CAST: variants seen among roughly 807,000 people sequenced by gnomAD.
CAST encodes calpastatin.
A neutral mutation model predicts 119.6 loss-of-function variants in CAST; 76 were observed. The observed-to-expected ratio is 0.64, with a 90% CI of 0.53 to 0.77. The LOEUF (loss-of-function observed/expected upper bound fraction) is 0.77, where lower values mean the gene tolerates loss of function less well. Among genes scored for constraint, CAST ranks in the 30% least tolerant of loss-of-function variants. The pLI is 0.00. For missense variants in CAST, 953 were observed against 946.5 expected, an observed-to-expected ratio of 1.01 and a Z score of -0.09; for synonymous variants, 319 against 331.6, an observed-to-expected ratio of 0.96 and a Z score of 0.41.
intron 1 of CAST, among the ~76,000 whole-genome samples, chr5:96,619,341 C>T (rs532751292): frequency 1.5e-4 from 23 of 152,202 alleles, no homozygotes; most frequent in South Asian, 6.3e-4. Context: ...GGATTGTAAA[C>T]ACACCAATCA....
the CAST span, among the ~76,000 whole-genome samples, chr5:96,061,285 T>C: frequency 1.3e-5 from 2 of 152,084 alleles, no homozygotes; most frequent in African/African-American, 4.8e-5. Flanking sequence ...GATAGTGGGA[T>C]ACCAAATGAC....
chr5:96,387,175 C>G, the CAST span, among the ~76,000 whole-genome samples: 9 of 152,142 alleles, frequency 5.9e-5, no homozygotes, highest in Non-Finnish European at 4.4e-5. Context: ...GTGGCTGACT[C>G]AAGAGTGCAC....
chr5:96,286,424 G>GA, the CAST span, among the ~76,000 whole-genome samples: 1 of 152,134 alleles, frequency 6.6e-6, no homozygotes, highest in Non-Finnish European at 1.5e-5. Flanking sequence ...TCCTTCACTT[G>GA]CTCCCTGGAC....
the CAST span, among the ~76,000 whole-genome samples, chr5:96,382,875 T>C: frequency 6.6e-6 from 1 of 152,192 alleles, no homozygotes; most frequent in Non-Finnish European, 1.5e-5. Flanking sequence ...TGCCAATTCA[T>C]GCTGCTTGAG....
chr5:96,742,573 A>G, intron 15 of CAST, 82 bp from the exon 16 acceptor site: 1 of 896,708 alleles, frequency 1.1e-6, no homozygotes, highest in Non-Finnish European at 1.8e-6. Context: ...ATAATCTAAA[A>G]TGTATTTTAC....
chr5:95,962,280 C>T, the CAST span, among the ~76,000 whole-genome samples: 8 of 152,230 alleles, frequency 5.3e-5, no homozygotes, highest in Middle Eastern at 3.2e-3. Flanking sequence ...GGATCTCCAC[C>T]TCCACTATGT....
At chr5:96,109,591 T>C in the CAST span, among the ~76,000 whole-genome samples, 1 of 152,322 alleles carries the variant, frequency 6.6e-6, no homozygotes, top group African/African-American at 2.4e-5. Context: ...CTTCACTTGC[T>C]AATATTTCTG....
the CAST span, among the ~76,000 whole-genome samples, chr5:96,509,058 T>C: frequency 6.6e-6 from 1 of 152,224 alleles, no homozygotes; most frequent in Non-Finnish European, 1.5e-5. Context: ...ATCATTGTCA[T>C]AGGTGTAAAA....
intron 1 of CAST, among the ~76,000 whole-genome samples, chr5:96,572,455 C>T (rs1746588673): frequency 6.6e-6 from 1 of 152,198 alleles, no homozygotes; most frequent in African/African-American, 2.4e-5. Context: ...CCCACCTCGG[C>T]CTCCCAAAGT....
intron 2 of CAST, among the ~76,000 whole-genome samples, chr5:96,688,210 TCTTGA>T (rs1267196411): frequency 1.3e-5 from 2 of 152,258 alleles, no homozygotes; most frequent in Non-Finnish European, 2.9e-5. Flanking sequence ...AAATGTTTGG[TCTTGA>T]CTTTATATAT....
the CAST span, among the ~76,000 whole-genome samples, chr5:96,361,371 TG>T: frequency 6.6e-6 from 1 of 151,906 alleles, no homozygotes; most frequent in Non-Finnish European, 1.5e-5. Flanking sequence ...CAGGCACCAC[TG>T]GGGTATGAAA....
At chr5:96,441,813 C>G in the CAST span, among the ~76,000 whole-genome samples, 1 of 152,226 alleles carries the variant, frequency 6.6e-6, no homozygotes, top group East Asian at 1.9e-4. Context: ...TTGCCCACCT[C>G]CTGGTATTAG....
At chr5:96,394,600 T>A in the CAST span, among the ~76,000 whole-genome samples, 1 of 152,240 alleles carries the variant, frequency 6.6e-6, no homozygotes, top group African/African-American at 2.4e-5. Flanking sequence ...TTTCCATTTG[T>A]TATCTGTCAT....
intron 1 of CAST, among the ~76,000 whole-genome samples, chr5:96,628,275 G>T (rs1294960968): frequency 1.3e-5 from 2 of 152,168 alleles, no homozygotes; most frequent in Admixed American, 1.3e-4. Flanking sequence ...CTGCCCTATG[G>T]CCAAAATGTT....
chr5:96,261,666 T>C, the CAST span, among the ~76,000 whole-genome samples: 1 of 152,250 alleles, frequency 6.6e-6, no homozygotes, highest in Non-Finnish European at 1.5e-5. Flanking sequence ...CCTCCACATC[T>C]GTGCTGTACA....
At chr5:96,090,398 G>A in the CAST span, among the ~76,000 whole-genome samples, 1 of 152,084 alleles carries the variant, frequency 6.6e-6, no homozygotes, top group African/African-American at 2.4e-5. Context: ...GTTAGAGCAG[G>A]TGGGGCCATT....
In CAST at chr5:96,641,272, A is replaced by G. The variant is rs146401432; in HGVS notation, c.61-34267A>G. On this transcript the variant is annotated intron_variant, in intron 1 of 11. Coordinates refer to the CAST transcript ENST00000505143. Reference sequence around the variant, plus strand: ...TTTCTAATTTTGTCTAGTGATAATAATAATAATAAAAATTACCTCTCTAGG... The same window carrying G: ...TTTCTAATTTTGTCTAGTGATAATAGTAATAATAAAAATTACCTCTCTAGG... 2.2e-3 allele frequency among the ~76,000 whole-genome samples: 340 copies of G among 152,322 alleles called. 2 individuals carry two copies. The highest frequency in any genetic ancestry group is 6.5e-3 in the African/African-American group (271 of 41,572).
the CAST span, among the ~76,000 whole-genome samples, chr5:96,120,366 G>T: frequency 2.0e-5 from 3 of 152,094 alleles, no homozygotes; most frequent in African/African-American, 7.2e-5. Flanking sequence ...AACAGTTGGA[G>T]CTCATGCATT....
chr5:96,472,381 G>T, the CAST span, among the ~76,000 whole-genome samples: 1 of 152,104 alleles, frequency 6.6e-6, no homozygotes, highest in African/African-American at 2.4e-5. Context: ...CTCTTTGGGG[G>T]GCAAGTATTG....
Sources: gnomAD v4.1 joint callset for allele counts (sites outside exome capture counted in the v4.1 genomes callset) on GRCh38, gnomAD v4.1.1 for gene constraint, MANE v1.5 for transcripts, NCBI Gene and HGNC (gene_info 2026-07-23, HGNC 2026-07-21) for gene names.